Variants in RAB3GAP2 observed in about 807,000 individuals in gnomAD.
RAB3GAP2 encodes RAB3 GTPase activating non-catalytic protein subunit 2.
A neutral mutation model predicts 185.3 loss-of-function variants in RAB3GAP2; 87 were observed. The observed-to-expected ratio is 0.47, with a 90% CI of 0.39 to 0.56. The LOEUF is 0.56. Among genes scored for constraint, RAB3GAP2 ranks in the 20% least tolerant of loss-of-function variants. The pLI, the probability that RAB3GAP2 is intolerant of heterozygous loss-of-function variation, is 0.00. For synonymous variants in RAB3GAP2, 554 were observed against 576.1 expected, an observed-to-expected ratio of 0.96 and a Z score of 0.55; for missense variants, 1,492 against 1,638.2, an observed-to-expected ratio of 0.91 and a Z score of 1.54.
chr1:220,235,182 GTTC>G (rs1659569285), intron 1 of RAB3GAP2, among the ~76,000 whole-genome samples: 1 of 152,006 alleles, frequency 6.6e-6, no homozygotes, highest in Non-Finnish European at 1.5e-5. Flanking sequence ...AAGTAAGAAG[GTTC>G]TTATTTAAAA....
In RAB3GAP2 at chr1:220,190,982, A is replaced by G. The variant is rs1558149919; in HGVS notation, c.1487+86T>C. The G allele has an allele frequency of 4.0e-6, 5 of 1,251,590 alleles. No individual in the cohort carries two copies. The Admixed American group carries it at 8.5e-5, about 21-fold the overall frequency. 77.5% of individuals were successfully genotyped at this position (1,251,590 alleles called of 1,614,324 possible). A position where few individuals can be genotyped will look rare whatever the true frequency, so the allele number is the denominator to read the frequency against. ...GTAATTCTCAAACTTGTAATCTAAT[A>G]AGCAGCTTTAGTAAAGCTTTATTTT... On this transcript the variant is annotated intron_variant, in intron 14 of 34. Transcript: ENST00000358951.
At chr1:220,196,589 C>T (rs1443343336) in intron 9 of RAB3GAP2, among the ~76,000 whole-genome samples, 191 bp from the exon 10 acceptor site, 2 of 151,956 alleles carry the variant, frequency 1.3e-5, no homozygotes, top group Non-Finnish European at 1.5e-5. Context: ...CCCAGCACTC[C>T]GGAGGCCAAG....
intron 1 of RAB3GAP2, among the ~76,000 whole-genome samples, chr1:220,243,122 AG>A (rs1163872734): frequency 6.6e-6 from 1 of 152,062 alleles, no homozygotes; most frequent in Non-Finnish European, 1.5e-5. Context: ...TGGGAGGCCG[AG>A]GGGGGCGGAT....
chr1:220,196,997 T>C (rs976852695), intron 9 of RAB3GAP2, among the ~76,000 whole-genome samples: 6 of 151,598 alleles, frequency 4.0e-5, no homozygotes, highest in South Asian at 4.2e-4. Context: ...CTTTTTTTTT[T>C]AGTTTTTGAG....
chr1:220,267,768 G>A, intron 1 of RAB3GAP2: 1 of 1,529,938 alleles, frequency 6.5e-7, no homozygotes, highest in Non-Finnish European at 9.1e-7. Flanking sequence ...AGAATTTGAA[G>A]GACACAAGAC....
intron 1 of RAB3GAP2, among the ~76,000 whole-genome samples, chr1:220,241,485 T>C (rs886320340): frequency 1.3e-5 from 2 of 152,036 alleles, no homozygotes; most frequent in Admixed American, 6.6e-5. Context: ...CTATAAAAAG[T>C]AAGAACCTCT....
chr1:220,196,452 T>C, intron 9 of RAB3GAP2, 54 bp from the exon 10 acceptor site: 3 of 1,484,430 alleles, frequency 2.0e-6, no homozygotes, highest in Non-Finnish European at 2.8e-6. Context: ...GGTCATTACA[T>C]TTTTACTTCA....
chr1:220,192,114 A>G (rs566325873), intron 13 of RAB3GAP2, among the ~76,000 whole-genome samples: 1 of 152,334 alleles, frequency 6.6e-6, no homozygotes, highest in East Asian at 1.9e-4. Flanking sequence ...GCCATAGTGG[A>G]TTTGGAGCAG....
At chr1:220,235,267 T>C (rs997031011) in intron 1 of RAB3GAP2, among the ~76,000 whole-genome samples, 6 of 152,236 alleles carry the variant, frequency 3.9e-5, no homozygotes, top group African/African-American at 1.4e-4. Context: ...TTTTTGGCGA[T>C]TTAATTCAAT....
Position 220,232,807 on chromosome 1 carries a change from G to C in RAB3GAP2, c.172C>G (p.Gln58Glu). 6.2e-7 allele frequency: 1 copy of C among 1,613,158 alleles called. No homozygotes were observed. Among genetic ancestry groups the C allele is most frequent in the East Asian group, 2.2e-5 (1 of 44,846 alleles). The change falls in exon 2 of 35, where the codon CAA becomes GAA. Residue 58 changes from glutamine to glutamate, a missense_variant. Gln to Glu is a conservative substitution (Grantham distance 29). Transcript: ENST00000358951. The stretch of plus-strand genomic sequence containing the variant: ...TATTTGTAAAGACTTACAGGTTCTT[G>C]TGGTTCATTTTCTTCCCATGCTCCC... The part of the protein sequence containing the change: ...GWGAWEENEP[Q>E]EPEEEGNTCK...
chr1:220,267,769 GA>G, intron 1 of RAB3GAP2: 1 of 1,527,466 alleles, frequency 6.5e-7, no homozygotes, highest in Non-Finnish European at 9.1e-7. Flanking sequence ...GAATTTGAAG[GA>G]CACAAGACCC....
At chr1:220,183,006 G>A (rs1017176324) in intron 19 of RAB3GAP2, 75 bp from the exon 20 acceptor site, 18 of 1,276,056 alleles carry the variant, frequency 1.4e-5, no homozygotes, top group Middle Eastern at 4.7e-4. Context: ...ATTCAAGGCT[G>A]TAAGCAAAAG....
intron 7 of RAB3GAP2, 115 bp from the exon 8 acceptor site, chr1:220,206,121 T>C (rs1295990950): frequency 8.8e-6 from 6 of 685,332 alleles, no homozygotes; most frequent in Admixed American, 2.9e-5. Flanking sequence ...CAAAGCAATA[T>C]CAGGCAGAAG....
At chr1:220,208,222 G>A (rs934728486) in intron 7 of RAB3GAP2, 2 of 152,102 alleles carry the variant, frequency 1.3e-5, no homozygotes, top group Non-Finnish European at 2.9e-5. Context: ...AAAAAGCTTC[G>A]TCATCCAGTC....
intron 24 of RAB3GAP2, among the ~76,000 whole-genome samples, chr1:220,169,558 T>C (rs1571880068): frequency 6.6e-6 from 1 of 152,258 alleles, no homozygotes; most frequent in East Asian, 1.9e-4. Flanking sequence ...AGAGGATAGG[T>C]CCAGATCTAA....
intron 16 of RAB3GAP2, 101 bp from the exon 17 acceptor site, chr1:220,189,868 A>C (rs1658580702): frequency 8.5e-7 from 1 of 1,173,458 alleles, no homozygotes; most frequent in South Asian, 1.5e-5. Flanking sequence ...GTGAGTCTAA[A>C]GGATTTTTGG....
chr1:220,228,896 C>T (rs899761129), intron 2 of RAB3GAP2, among the ~76,000 whole-genome samples: 6 of 152,140 alleles, frequency 3.9e-5, no homozygotes, highest in South Asian at 2.1e-4. Context: ...GTAAATATTC[C>T]GATTTTATCC....
chr1:220,163,061 C>T (rs1007199718), intron 27 of RAB3GAP2, among the ~76,000 whole-genome samples: 22 of 152,144 alleles, frequency 1.4e-4, no homozygotes, highest in African/African-American at 5.3e-4. Flanking sequence ...ATAGCTTGAG[C>T]TCAGGAGTTC....
rs529986529 is a variant in RAB3GAP2, at chr1:220,226,731, A to G, written c.180+6068T>C. Among the ~76,000 whole-genome samples, 18 of 152,302 alleles carry G rather than the reference A, an allele frequency of 1.2e-4. 1 individual carries two copies. The East Asian group carries it at 1.7e-3, about 15-fold the overall frequency. ...CTTACTTTTGTCACTTGCCCAATTC[A>G]GTACACTTGCCAATGTACTGACTTG... On this transcript the variant is annotated intron_variant, in intron 2 of 34. Coordinates refer to ENST00000358951, the MANE Select transcript of RAB3GAP2 (RefSeq NM_012414.4).
Sources: allele counts gnomAD v4.1 joint callset (sites outside exome capture counted in the v4.1 genomes callset), GRCh38; gene constraint gnomAD v4.1.1; transcripts MANE v1.5; gene names NCBI Gene and HGNC (gene_info 2026-07-23, HGNC 2026-07-21).